Variants in CNTNAP2 observed in about 807,000 individuals in gnomAD.
CNTNAP2 encodes contactin associated protein 2, also known as contactin-associated protein-like 2.
Under a neutral mutation model 155.2 loss-of-function variants are expected in CNTNAP2, and 98 were observed. The ratio of observed to expected loss-of-function variants is 0.63; its 90% CI spans 0.54 to 0.75. The LOEUF (loss-of-function observed/expected upper bound fraction) is 0.75. Among genes scored for constraint, CNTNAP2 ranks in the 30% least tolerant of loss-of-function variants. CNTNAP2 has a pLI of 0.00. For synonymous variants in CNTNAP2, 651 were observed against 631.2 expected, an observed-to-expected ratio of 1.03 and a Z score of -0.47; for missense variants, 1,727 against 1,688.1, an observed-to-expected ratio of 1.02 and a Z score of -0.40.
intron 1 of CNTNAP2, among the ~76,000 whole-genome samples, chr7:146,698,349 A>T (rs1346451941): frequency 1.3e-5 from 2 of 152,120 alleles, no homozygotes; most frequent in Admixed American, 1.3e-4. Flanking sequence ...CTTGCTACCG[A>T]AAATATTACT....
At chr7:147,650,899 T>A (rs575183682) in intron 13 of CNTNAP2, among the ~76,000 whole-genome samples, 108 of 152,302 alleles carry the variant, frequency 7.1e-4, no homozygotes, top group Admixed American at 2.9e-3. Context: ...TCTTAACTAG[T>A]ATGTCCATCA....
At chr7:148,362,088 A>G (rs1010290981) in intron 21 of CNTNAP2, among the ~76,000 whole-genome samples, 2 of 152,166 alleles carry the variant, frequency 1.3e-5, no homozygotes, top group African/African-American at 4.8e-5. Flanking sequence ...GCGTGCCTGT[A>G]GTCTCAGCTA....
chr7:147,269,198 G>A (rs1037780941), intron 8 of CNTNAP2, among the ~76,000 whole-genome samples: 2 of 152,050 alleles, frequency 1.3e-5, no homozygotes, highest in African/African-American at 4.8e-5. Context: ...GACTTATTTT[G>A]TGTGTGTATA....
At chr7:146,157,658 C>A (rs1798148557) in intron 1 of CNTNAP2, among the ~76,000 whole-genome samples, 2 of 152,078 alleles carry the variant, frequency 1.3e-5, no homozygotes, top group African/African-American at 4.8e-5. Flanking sequence ...GTCTGAGATC[C>A]AACTGCAAGG....
At position 146,215,931 on chromosome 7, in the gene CNTNAP2, G is replaced by A. The variant is rs544564284; in HGVS notation, c.97+98958G>A. On this transcript the variant is annotated intron_variant, in intron 1 of 23. Coordinates refer to ENST00000361727, the MANE Select transcript of CNTNAP2 (RefSeq NM_014141.6). ...TTCTTCTTAAAGCAGATTCTTAGAT[G>A]AAGATTCATACAAGTGGTTTATTTG... Among the ~76,000 whole-genome samples, 4 of 152,290 alleles carry A rather than the reference G, an allele frequency of 2.6e-5. No individual in the cohort carries two copies. The East Asian group carries it at 5.8e-4, about 22-fold the overall frequency.
chr7:147,271,934 C>T (rs929610208), intron 8 of CNTNAP2, among the ~76,000 whole-genome samples: 1 of 152,062 alleles, frequency 6.6e-6, no homozygotes, highest in Non-Finnish European at 1.5e-5. Flanking sequence ...CTCTTGTTGC[C>T]CAGGCTGGAG....
At chr7:147,547,769 C>T (rs1388786614) in intron 11 of CNTNAP2, among the ~76,000 whole-genome samples, 1 of 151,994 alleles carries the variant, frequency 6.6e-6, no homozygotes, top group Non-Finnish European at 1.5e-5. Flanking sequence ...ACCCCACACA[C>T]CCCAACAGGC....
chr7:146,792,274 A>G (rs7794448), intron 2 of CNTNAP2, among the ~76,000 whole-genome samples: 35,652 of 152,074 alleles, frequency 0.23, 4,816 homozygotes, highest in African/African-American at 0.36. Flanking sequence ...AAGCTAAAAA[A>G]AAAACACTCT....
chr7:146,825,503 A>G (rs1179935195), intron 2 of CNTNAP2, among the ~76,000 whole-genome samples: 1 of 152,118 alleles, frequency 6.6e-6, no homozygotes, highest in African/African-American at 2.4e-5. Context: ...ATCTTAAAGA[A>G]TTTGTTTACT....
intron 14 of CNTNAP2, 58 bp downstream of exon 14, chr7:147,903,779 A>C (rs1799915227): frequency 4.4e-6 from 7 of 1,593,070 alleles, no homozygotes; most frequent in Middle Eastern, 1.7e-4. Flanking sequence ...TTTGTGTCAA[A>C]CTCATGTGAT....
intron 1 of CNTNAP2, among the ~76,000 whole-genome samples, chr7:146,732,734 C>T (rs1801547404): frequency 2.0e-5 from 3 of 152,028 alleles, no homozygotes; most frequent in South Asian, 4.1e-4. Context: ...AAATCGGATG[C>T]TTCAGTTCTT....
intron 2 of CNTNAP2, among the ~76,000 whole-genome samples, chr7:146,823,412 T>C (rs528317592): frequency 8.1e-6 from 1 of 123,772 alleles, no homozygotes; most frequent in Admixed American, 7.8e-5. Flanking sequence ...TCCATGTAAA[T>C]ATACTCATTC....
chr7:148,108,115 G>A (rs557229515), intron 15 of CNTNAP2, among the ~76,000 whole-genome samples: 6 of 152,304 alleles, frequency 3.9e-5, no homozygotes, highest in South Asian at 4.1e-4. Flanking sequence ...GACAGGGCAG[G>A]GGCAGGCACA....
chr7:146,856,164 C>A (rs532130628), intron 3 of CNTNAP2, among the ~76,000 whole-genome samples: 1 of 151,678 alleles, frequency 6.6e-6, no homozygotes, highest in Non-Finnish European at 1.5e-5. Context: ...TAGTTAAGGA[C>A]AGTAATGCAT....
At chr7:146,882,740 G>T (rs2129209671) in intron 3 of CNTNAP2, among the ~76,000 whole-genome samples, 1 of 152,226 alleles carries the variant, frequency 6.6e-6, no homozygotes, top group Middle Eastern at 3.4e-3. Flanking sequence ...AGCTCCTAGT[G>T]CTGTACAAAA....
At chr7:147,713,498 G>T (rs1221723621) in intron 13 of CNTNAP2, among the ~76,000 whole-genome samples, 1 of 152,016 alleles carries the variant, frequency 6.6e-6, no homozygotes, top group South Asian at 2.1e-4. Flanking sequence ...TTGTATTTTG[G>T]GTAATAATTC....
intron 15 of CNTNAP2, among the ~76,000 whole-genome samples, chr7:148,027,002 G>A (rs1291620832): frequency 6.6e-6 from 1 of 152,186 alleles, no homozygotes; most frequent in Non-Finnish European, 1.5e-5. Context: ...CATACTAACA[G>A]AGGCTTTGAT....
intron 21 of CNTNAP2, among the ~76,000 whole-genome samples, chr7:148,349,444 C>G (rs188258291): frequency 7.2e-6 from 1 of 139,254 alleles, no homozygotes; most frequent in African/African-American, 2.7e-5. Flanking sequence ...CTCTGTCGCC[C>G]GGGCTGGAGT....
At chr7:148,324,789 C>A (rs1482922730) in intron 21 of CNTNAP2, among the ~76,000 whole-genome samples, 2 of 3,316 alleles carry the variant, frequency 6.0e-4, no homozygotes, top group African/African-American at 1.6e-3. Context: ...AGTAAGACTC[C>A]ATCTCAAAAA....
Sources: allele counts gnomAD v4.1 joint callset (sites outside exome capture counted in the v4.1 genomes callset), GRCh38; gene constraint gnomAD v4.1.1; transcripts MANE v1.5; gene names NCBI Gene and HGNC (gene_info 2026-07-23, HGNC 2026-07-21).